MEGF11: variants seen among roughly 807,000 people sequenced by gnomAD.
MEGF11 encodes multiple epidermal growth factor-like domains protein 11.
Under a neutral mutation model 146.6 loss-of-function variants are expected in MEGF11, and 126 were observed. The ratio of observed to expected loss-of-function variants is 0.86; its 90% CI spans 0.74 to 1.00. The LOEUF (loss-of-function observed/expected upper bound fraction) is 1.00. Among genes scored for constraint, MEGF11 ranks in the 50% least tolerant of loss-of-function variants. The pLI is 0.00. For synonymous variants in MEGF11, 532 were observed against 583.4 expected (o/e 0.91, Z 1.27); for missense variants, 1,509 against 1,521.2 (o/e 0.99, Z 0.13).
At chr15:65,917,679 C>T (rs1401710873) in intron 16 of MEGF11, among the ~76,000 whole-genome samples, 3 of 152,198 alleles carry the variant, frequency 2.0e-5, no homozygotes, top group East Asian at 3.8e-4. Context: ...CATCCAAACT[C>T]GGGCTGCTCC....
intron 1 of MEGF11, among the ~76,000 whole-genome samples, chr15:66,183,091 A>T (rs1465581216): frequency 6.6e-6 from 1 of 152,250 alleles, no homozygotes; most frequent in African/African-American, 2.4e-5. Flanking sequence ...AATTTAAAAC[A>T]CACACACAGA....
chr15:65,964,828 G>C (rs2080997791), intron 9 of MEGF11, 80 bp downstream of exon 9: 5 of 1,346,854 alleles, frequency 3.7e-6, no homozygotes, highest in Non-Finnish European at 5.1e-6. Flanking sequence ...CTAGAGGTGG[G>C]GGGCCACATC....
At chr15:66,221,767 T>C (rs1168682238) in intron 1 of MEGF11, among the ~76,000 whole-genome samples, 3 of 152,118 alleles carry the variant, frequency 2.0e-5, no homozygotes, top group African/African-American at 4.8e-5. Context: ...AACAACCCCC[T>C]GAGAATTAAA....
chr15:66,095,213 C>T (rs1014850998), intron 4 of MEGF11, among the ~76,000 whole-genome samples: 1 of 152,196 alleles, frequency 6.6e-6, no homozygotes, highest in Non-Finnish European at 1.5e-5. Flanking sequence ...GGTGCTGAGG[C>T]TTATTGACAG....
intron 1 of MEGF11, among the ~76,000 whole-genome samples, chr15:66,174,947 T>A (rs940760434): frequency 5.9e-5 from 9 of 152,210 alleles, no homozygotes; most frequent in Non-Finnish European, 1.0e-4. Context: ...TCCTAAGTAT[T>A]TTTTTGTAGC....
At chr15:65,930,791 C>A in intron 11 of MEGF11, 32 bp downstream of exon 11, 1 of 1,571,452 alleles carries the variant, frequency 6.4e-7, no homozygotes, top group Non-Finnish European at 8.7e-7. Context: ...GCTCATATGT[C>A]AGGGATGGGC....
At chr15:65,977,215 C>T (rs1430514611) in intron 7 of MEGF11, among the ~76,000 whole-genome samples, 3 of 148,018 alleles carry the variant, frequency 2.0e-5, no homozygotes, top group Non-Finnish European at 4.5e-5. Context: ...AGAGAAGGGG[C>T]CAAGATGGTG....
intron 2 of MEGF11, among the ~76,000 whole-genome samples, chr15:66,126,043 T>C (rs1361852969): frequency 6.6e-6 from 1 of 152,214 alleles, no homozygotes; most frequent in African/African-American, 2.4e-5. Context: ...CACTGCTCAT[T>C]TGCTAACATG....
chr15:66,243,028 C>A (rs146342805), intron 1 of MEGF11, among the ~76,000 whole-genome samples: 24 of 152,322 alleles, frequency 1.6e-4, no homozygotes, highest in African/African-American at 5.8e-4. Context: ...CACTACCCTG[C>A]CTACCCTCTT....
intron 1 of MEGF11, 69 bp from the exon 2 acceptor site, chr15:66,128,480 A>G (rs1479554106): frequency 2.3e-6 from 2 of 882,652 alleles, no homozygotes; most frequent in Non-Finnish European, 3.2e-6. Flanking sequence ...TTAGTTTCCC[A>G]TCGTCGTGGG....
At chr15:65,972,727 G>A (rs2081333018) in intron 7 of MEGF11, among the ~76,000 whole-genome samples, 1 of 152,142 alleles carries the variant, frequency 6.6e-6, no homozygotes, top group Non-Finnish European at 1.5e-5. Flanking sequence ...CTCAAGTAGG[G>A]GACTCAGTAA....
intron 1 of MEGF11, among the ~76,000 whole-genome samples, chr15:66,159,367 C>T (rs1236717804): frequency 6.6e-6 from 1 of 152,192 alleles, no homozygotes; most frequent in African/African-American, 2.4e-5. Flanking sequence ...ACCCAGGAGC[C>T]ACAGAGGTCA....
At chr15:65,943,913 G>A (rs1246762675) in intron 10 of MEGF11, among the ~76,000 whole-genome samples, 3 of 152,184 alleles carry the variant, frequency 2.0e-5, no homozygotes, top group Non-Finnish European at 4.4e-5. Context: ...GTGGACTTGG[G>A]GCAGTGGCCT....
chr15:66,091,396 T>G (rs184275688), intron 5 of MEGF11, among the ~76,000 whole-genome samples: 1 of 152,332 alleles, frequency 6.6e-6, no homozygotes, highest in East Asian at 1.9e-4. Context: ...AACAACCATG[T>G]TTTCTCATGA....
intron 5 of MEGF11, among the ~76,000 whole-genome samples, chr15:66,036,157 C>A (rs1415725564): frequency 6.6e-6 from 1 of 152,268 alleles, no homozygotes; most frequent in Admixed American, 6.5e-5. Context: ...TCAGTGATAA[C>A]CACCCCAGGT....
At chr15:66,221,188 G>C (rs941715664) in intron 1 of MEGF11, among the ~76,000 whole-genome samples, 6 of 152,006 alleles carry the variant, frequency 3.9e-5, no homozygotes, top group African/African-American at 1.5e-4. Context: ...AGCCTGCAGG[G>C]ACCATCCCCC....
intron 1 of MEGF11, among the ~76,000 whole-genome samples, chr15:66,200,841 C>T (rs183266534): frequency 4.6e-5 from 7 of 152,192 alleles, no homozygotes; most frequent in Non-Finnish European, 8.8e-5. Flanking sequence ...CTCTGAGGTT[C>T]CTTCCAGCCC....
chr15:66,093,341 G>A (rs2140667195), intron 5 of MEGF11, among the ~76,000 whole-genome samples: 1 of 152,342 alleles, frequency 6.6e-6, no homozygotes, highest in African/African-American at 2.4e-5. Flanking sequence ...GCAGCAGAGA[G>A]AGGGGAAAAG....
chr15:66,066,857 G>A (rs761228297), intron 5 of MEGF11, among the ~76,000 whole-genome samples: 6 of 152,194 alleles, frequency 3.9e-5, no homozygotes, highest in Non-Finnish European at 8.8e-5. Flanking sequence ...ATGATGCTCT[G>A]TGGCCCCAGC....
Sources: allele counts gnomAD v4.1 joint callset (sites outside exome capture counted in the v4.1 genomes callset), GRCh38; gene constraint gnomAD v4.1.1; transcripts MANE v1.5; gene names NCBI Gene and HGNC (gene_info 2026-07-23, HGNC 2026-07-21).